POC5: variants seen among roughly 807,000 people sequenced by gnomAD.
POC5 encodes the protein POC5 centriolar protein, also known as centrosomal protein POC5.
Under a neutral mutation model 62.9 loss-of-function variants are expected in POC5, and 48 were observed. That is an observed-to-expected ratio of 0.76 (90% confidence interval 0.61 to 0.97). POC5 has a LOEUF of 0.97. Ranked by LOEUF, POC5 falls within the 50% of genes least tolerant of loss-of-function variation. POC5 has a pLI of 0.00. For synonymous variants in POC5, 236 were observed against 228.2 expected, an observed-to-expected ratio of 1.03 and a Z score of -0.31; for missense variants, 696 against 679.5, an observed-to-expected ratio of 1.02 and a Z score of -0.27.
rs1258948285 is a variant in POC5 at position 75,692,393 on chromosome 5, TAC to T, written c.795+1_795+2del. 1.3e-6 allele frequency: 2 copies of T among 1,577,450 alleles called. No homozygotes were observed. The highest frequency in any genetic ancestry group is 1.7e-6 in the Non-Finnish European group (2 of 1,160,226). On this transcript the variant is annotated splice_donor_variant, in intron 7 of 11. Transcript: ENST00000428202. LOFTEE classifies it high-confidence loss of function. Reference sequence around the variant, plus strand: ...ATCAGCTGTCTTCTGCTTTGACACTTACATCCTGTCTGGCTCTGACATGGCCG... The same window carrying T: ...ATCAGCTGTCTTCTGCTTTGACACTTATCCTGTCTGGCTCTGACATGGCCG...
intron 5 of POC5, among the ~76,000 whole-genome samples, chr5:75,700,782 A>C (rs1371303394): frequency 7.2e-6 from 1 of 139,444 alleles, no homozygotes; most frequent in Non-Finnish European, 1.6e-5. Context: ...GTGAACAGGC[A>C]ACCTACAAAA....
At chr5:75,702,895 G>A (rs1246452721) in intron 4 of POC5, 85 bp from the exon 5 acceptor site, 10 of 1,042,808 alleles carry the variant, frequency 9.6e-6, no homozygotes, top group South Asian at 4.7e-5. Flanking sequence ...GCTAAAAGAC[G>A]TCTGCTACTT....
At chr5:75,705,680 A>G (rs1467017795) in intron 4 of POC5, 24 bp downstream of exon 4, 2 of 1,426,860 alleles carry the variant, frequency 1.4e-6, no homozygotes, top group Non-Finnish European at 1.9e-6. Flanking sequence ...ATATTAATAC[A>G]AATAAGCTAA....
At chr5:75,707,074 T>G (rs570954382) in intron 3 of POC5, among the ~76,000 whole-genome samples, 1 of 152,348 alleles carries the variant, frequency 6.6e-6, no homozygotes, top group Admixed American at 6.5e-5. Context: ...TAACTGGTCC[T>G]TATCAGGACT....
Position 75,689,671 on chromosome 5 carries a change from C to T in POC5, c.976-506G>A, listed in dbSNP as rs977000118. 9.1e-6 allele frequency: 9 copies of T among 985,158 alleles called. No homozygotes were observed. In the East Asian group the frequency reaches 6.8e-4, roughly 74 times the overall value. 61.0% of individuals were successfully genotyped at this position (985,158 alleles called of 1,614,324 possible). On this transcript the variant is annotated intron_variant, in intron 8 of 11. Coordinates refer to ENST00000428202, the MANE Select transcript of POC5 (RefSeq NM_001099271.2). ...TCAGGGGACTGCATTTTTTGCATGT[C>T]GTAGTGAACTGCAGAAAATTATTTG...
At chr5:75,687,132 G>T (rs192684526) in intron 9 of POC5, among the ~76,000 whole-genome samples, 1 of 151,944 alleles carries the variant, frequency 6.6e-6, no homozygotes, top group Non-Finnish European at 1.5e-5. Context: ...CTGGGTTCAC[G>T]CCATTCTTCT....
At chr5:75,680,349 A>G (rs2112079570) in intron 10 of POC5, among the ~76,000 whole-genome samples, 1 of 152,288 alleles carries the variant, frequency 6.6e-6, no homozygotes, top group South Asian at 2.1e-4. Flanking sequence ...AGAAAATTAG[A>G]GTAGCAGGAA....
chr5:75,684,273 C>T (rs1392298742), intron 10 of POC5, among the ~76,000 whole-genome samples: 3 of 151,614 alleles, frequency 2.0e-5, no homozygotes, highest in Admixed American at 1.3e-4. Context: ...TATACATTAA[C>T]CTCCCACACC....
intron 11 of POC5, among the ~76,000 whole-genome samples, 196 bp from the exon 12 acceptor site, chr5:75,674,774 A>T (rs1352973906): frequency 6.6e-6 from 1 of 152,206 alleles, no homozygotes; most frequent in Non-Finnish European, 1.5e-5. Flanking sequence ...TCTGACTGAC[A>T]TGTTCAACAC....
chr5:75,694,874 A>G (rs1776493577), intron 5 of POC5, 43 bp from the exon 6 acceptor site: 2 of 1,324,254 alleles, frequency 1.5e-6, no homozygotes, highest in East Asian at 2.4e-5. Context: ...TTGTTCGTTA[A>G]TATCACTTCT....
chr5:75,680,195 T>G (rs1561460995), intron 10 of POC5, among the ~76,000 whole-genome samples: 4 of 152,178 alleles, frequency 2.6e-5, no homozygotes, highest in Admixed American at 2.0e-4. Context: ...GGCAGGAATA[T>G]TCTTTGCCAA....
At chr5:75,689,449 C>T (rs528259325) in intron 8 of POC5, 3 of 984,970 alleles carry the variant, frequency 3.0e-6, no homozygotes, top group African/African-American at 1.7e-5. Flanking sequence ...CAAAAAGATA[C>T]ACCATTTTTT....
chr5:75,690,706 G>A lies in POC5; in HGVS notation c.796-144C>T, dbSNP rs183418722. The A allele has an allele frequency of 3.2e-4, 258 of 798,406 alleles. No homozygotes were observed. The African/African-American group carries it at 4.1e-3, about 13-fold the overall frequency. The allele number at this position is 798,406 out of a possible 1,614,324, so 49.5% of individuals were successfully genotyped here. ...CATATTATTCTCATCTTGCATATAG[G>A]AGAACAGGCTTAGAGAGGTTAAGCA... On this transcript the variant is annotated intron_variant, in intron 7 of 11. Coordinates refer to ENST00000428202, the MANE Select transcript of POC5 (RefSeq NM_001099271.2).
intron 5 of POC5, among the ~76,000 whole-genome samples, chr5:75,701,612 C>G (rs1215228615): frequency 1.4e-5 from 2 of 147,702 alleles, no homozygotes; most frequent in Non-Finnish European, 1.5e-5. Context: ...GGAGATATAC[C>G]TAATGCTAGA....
chr5:75,705,675 A>T, intron 4 of POC5, 29 bp downstream of exon 4: 1 of 1,358,456 alleles, frequency 7.4e-7, no homozygotes, highest in Non-Finnish European at 9.9e-7. Flanking sequence ...GTTGTATATT[A>T]ATACAAATAA....
chr5:75,686,019 A>G (rs1776085230), intron 9 of POC5, among the ~76,000 whole-genome samples: 1 of 152,158 alleles, frequency 6.6e-6, no homozygotes, highest in African/African-American at 2.4e-5. Flanking sequence ...TAAAACTAAA[A>G]TCTTCACTTT....
At chr5:75,708,776 T>C (rs1032316125) in intron 2 of POC5, among the ~76,000 whole-genome samples, 1 of 152,212 alleles carries the variant, frequency 6.6e-6, no homozygotes, top group African/African-American at 2.4e-5. Flanking sequence ...TTATGGCAAT[T>C]ACATGTACAA....
At chr5:75,676,443 T>C (rs983199536) in intron 11 of POC5, among the ~76,000 whole-genome samples, 1 of 152,218 alleles carries the variant, frequency 6.6e-6, no homozygotes, top group Non-Finnish European at 1.5e-5. Context: ...ACTTGGTGCT[T>C]CTATCTCCAG....
chr5:75,690,120 C>A (rs528397940), intron 8 of POC5, among the ~76,000 whole-genome samples: 1 of 152,268 alleles, frequency 6.6e-6, no homozygotes, highest in South Asian at 2.1e-4. Flanking sequence ...CTCAGGTGAT[C>A]TGCCCGCCTC....
Sources: allele counts gnomAD v4.1 joint callset (sites outside exome capture counted in the v4.1 genomes callset), GRCh38; gene constraint gnomAD v4.1.1; transcripts MANE v1.5; gene names NCBI Gene and HGNC (gene_info 2026-07-23, HGNC 2026-07-21).